AK9: variants seen among roughly 807,000 people sequenced by gnomAD.
AK9 encodes the protein adenylate kinase 9, also known as adenylate kinase domain containing 1.
In AK9, 191 loss-of-function variants were observed where a neutral mutation model predicts 239.6. The ratio of observed to expected loss-of-function variants is 0.80; its 90% CI spans 0.71 to 0.90. AK9 has a LOEUF of 0.90. Among genes scored for constraint, AK9 ranks in the 40% least tolerant of loss-of-function variants. The pLI is 0.00. For synonymous variants in AK9, 689 were observed against 721.0 expected (o/e 0.96, Z 0.71); for missense variants, 1,995 against 2,214.7 (o/e 0.90, Z 1.99).
At chr6:109,564,312 G>C (rs767218172) in intron 22 of AK9, 32 bp from the exon 23 acceptor site, 2 of 1,494,474 alleles carry the variant, frequency 1.3e-6, no homozygotes, top group African/African-American at 2.8e-5. Flanking sequence ...AAAGAAAAAA[G>C]GGGCTTTAAA....
intron 1 of AK9, chr6:109,690,423 T>G (rs1283370629): frequency 1.3e-5 from 2 of 152,218 alleles, no homozygotes; most frequent in African/African-American, 4.8e-5. Context: ...GATACCAAGA[T>G]GCCTCCAGGG....
intron 29 of AK9, among the ~76,000 whole-genome samples, chr6:109,520,589 T>C (rs1047773293): frequency 1.3e-5 from 2 of 152,088 alleles, no homozygotes; most frequent in Non-Finnish European, 2.9e-5. Flanking sequence ...TTTTGGCTAT[T>C]TGGGGCTTCT....
At chr6:109,617,607 AAATAATGAATTTAGAGATATATCT>A in intron 13 of AK9, among the ~76,000 whole-genome samples, 1 of 152,290 alleles carries the variant, frequency 6.6e-6, no homozygotes, top group Non-Finnish European at 1.5e-5. Flanking sequence ...CATTTGGGAA[AAATAATGAATTTAGAGATATATCT>A]AATACAAAAT....
At chr6:109,604,101 C>T (rs1052268557) in intron 17 of AK9, among the ~76,000 whole-genome samples, 2 of 151,910 alleles carry the variant, frequency 1.3e-5, no homozygotes, top group Non-Finnish European at 2.9e-5. Flanking sequence ...TCCGACAAGC[C>T]CCAGTGAGAT....
chr6:109,649,347 C>A (rs1477149951), intron 8 of AK9, among the ~76,000 whole-genome samples: 1 of 151,950 alleles, frequency 6.6e-6, no homozygotes, highest in Non-Finnish European at 1.5e-5. Context: ...AAAACCCCAT[C>A]GTCTCAGCCC....
At chr6:109,605,546 A>G (rs1405880988) in intron 17 of AK9, among the ~76,000 whole-genome samples, 1 of 152,118 alleles carries the variant, frequency 6.6e-6, no homozygotes, top group African/African-American at 2.4e-5. Context: ...TCTGATTTCA[A>G]TTTATCCCAC....
chr6:109,534,009 C>T (rs780981413), intron 27 of AK9, among the ~76,000 whole-genome samples: 1 of 152,046 alleles, frequency 6.6e-6, no homozygotes, highest in Non-Finnish European at 1.5e-5. Context: ...TTTCTTCTAA[C>T]AGTGCTTCCT....
Position 109,585,940 on chromosome 6 carries a change from A to G in AK9, c.1975T>C (p.Tyr659His), listed in dbSNP as rs1161642716. 6.5e-7 allele frequency: 1 copy of G among 1,547,620 alleles called. No homozygotes were observed. The highest frequency in any genetic ancestry group is 2.0e-5 in the Admixed American group (1 of 50,234). The change falls in exon 18 of 41, where the codon TAT (tyrosine) becomes CAT (histidine). Residue 659 changes from tyrosine (Y) to histidine (H), a missense_variant. Tyr to His is a moderately conservative substitution (Grantham distance 83). This residue lies in a region of AK9 where 1,290 missense variants were observed against 1,392.7 expected (regional missense o/e 0.93). Coordinates refer to ENST00000424296, the MANE Select transcript of AK9 (RefSeq NM_001145128.3). ...KKGIIPDLVI[Y>H]LSDTENNGKC... ...CCATTGTTTTCTGTATCTGATAAATAGATGACCAAATCAGGTATAATTCCT... is the reference window on the plus strand; with the variant it reads ...CCATTGTTTTCTGTATCTGATAAATGGATGACCAAATCAGGTATAATTCCT...
chr6:109,624,685 G>A (rs917527256), intron 12 of AK9, among the ~76,000 whole-genome samples: 30 of 152,072 alleles, frequency 2.0e-4, no homozygotes, highest in African/African-American at 6.5e-4. Context: ...ATGTCCCTTC[G>A]TGTAGGTCTT....
intron 12 of AK9, among the ~76,000 whole-genome samples, chr6:109,629,706 C>T (rs1026648277): frequency 6.6e-6 from 1 of 151,594 alleles, no homozygotes; most frequent in African/African-American, 2.4e-5. Context: ...GATCTCGGCT[C>T]ACTGCAAGCT....
chr6:109,585,086 T>C, intron 19 of AK9, 37 bp downstream of exon 19: 2 of 1,054,158 alleles, frequency 1.9e-6, no homozygotes, highest in Non-Finnish European at 2.4e-6. Flanking sequence ...CTATAACAGA[T>C]ACATTAATCT....
At chr6:109,600,442 T>C (rs1371297425) in intron 17 of AK9, among the ~76,000 whole-genome samples, 1 of 152,156 alleles carries the variant, frequency 6.6e-6, no homozygotes, top group Non-Finnish European at 1.5e-5. Context: ...TTGATCATGG[T>C]GGATAAGCTT....
chr6:109,542,084 C>T lies in AK9; in HGVS notation c.3313G>A (p.Val1105Ile), dbSNP rs1290977405. Residue 1105 changes from valine to isoleucine, a missense_variant, in exon 27 of 41, where the codon GTA becomes ATA. Coordinates refer to ENST00000424296, the MANE Select transcript of AK9 (RefSeq NM_001145128.3). ...TTAAGCCACCACTCAGAAAGAATTA[C>T]TTCAAGAATTTCAGGAGGCAAGGGC... ...NEPLPPEILE[V>I]ILSEWWLKEP... 1.2e-6 allele frequency: 2 copies of T among 1,606,928 alleles called. No individual in the cohort carries two copies. The highest frequency in any genetic ancestry group is 1.7e-6 in the Non-Finnish European group (2 of 1,174,604).
intron 13 of AK9, among the ~76,000 whole-genome samples, chr6:109,616,219 C>G (rs899826725): frequency 5.9e-5 from 9 of 152,000 alleles, no homozygotes; most frequent in Non-Finnish European, 8.8e-5. Flanking sequence ...TCTGGAAAAC[C>G]CAAGAGAATC....
At chr6:109,594,347 C>T (rs776287765) in intron 17 of AK9, among the ~76,000 whole-genome samples, 6 of 152,162 alleles carry the variant, frequency 3.9e-5, no homozygotes, top group Non-Finnish European at 5.9e-5. Context: ...CTACAAAGCA[C>T]TGTTCAAGGA....
Position 109,673,671 on chromosome 6 carries a change from A to G in AK9, c.181+527T>C, listed in dbSNP as rs1276121070. 4.6e-5 allele frequency among the ~76,000 whole-genome samples: 7 copies of G among 152,154 alleles called. No individual in the cohort carries two copies. The East Asian group carries it at 1.3e-3, about 29-fold the overall frequency. On this transcript the variant is annotated intron_variant, in intron 3 of 40. Coordinates refer to ENST00000424296, the MANE Select transcript of AK9 (RefSeq NM_001145128.3). ...AGAAAAGCTGTGAGAGTTCCATCTC[A>G]TTTGAGCTTTCATAAAAAGACACCC... is the stretch of plus-strand genomic sequence containing the variant.
At chr6:109,641,402 G>A in intron 10 of AK9, 116 bp downstream of exon 10, 2 of 592,752 alleles carry the variant, frequency 3.4e-6, no homozygotes, top group Non-Finnish European at 5.6e-6. Flanking sequence ...CATCCAGGCT[G>A]GTCTCAGACT....
In AK9 at chr6:109,671,981, G is replaced by A; in HGVS notation, c.269C>T (p.Pro90Leu). ...QSMLISGQSI[P>L]DELVIKLMLE... ...CATTAGCTTTATGACAAGTTCATCT[G>A]GAATGCTTTGACCGCTGATCAACAT... Residue 90 changes from proline (P) to leucine (L), a missense_variant, in exon 5 of 41, where the codon CCA becomes CTA. Around this residue, in one of 5 missense-constraint regions of AK9, gnomAD observed 252 missense variants for 246.4 expected, o/e 1.02. Transcript: ENST00000424296. The A allele has an allele frequency of 6.2e-7, 1 of 1,613,968 alleles. No homozygotes were observed. The highest frequency in any genetic ancestry group is 1.1e-5 in the South Asian group (1 of 91,080).
intron 17 of AK9, among the ~76,000 whole-genome samples, chr6:109,591,869 A>AG (rs1790289207): frequency 6.6e-6 from 1 of 151,944 alleles, no homozygotes; most frequent in Non-Finnish European, 1.5e-5. Context: ...TAGAAAAAAA[A>AG]AAAGTGCAGT....
Sources: gnomAD v4.1 joint callset for allele counts (sites outside exome capture counted in the v4.1 genomes callset) on GRCh38, gnomAD v4.1.1 for gene constraint, gnomAD v4.1.1 regional missense constraint, MANE v1.5 for transcripts, NCBI Gene and HGNC (gene_info 2026-07-23, HGNC 2026-07-21) for gene names.